Variants in PDE10A observed in about 807,000 individuals in gnomAD.
PDE10A encodes phosphodiesterase 10A.
In PDE10A, 39 loss-of-function variants were observed where a neutral mutation model predicts 97.7. The observed-to-expected ratio is 0.40, with a 90% CI of 0.31 to 0.52. The LOEUF (loss-of-function observed/expected upper bound fraction) is 0.52. PDE10A is among the 20% of genes least tolerant of loss of function. PDE10A has a pLI of 0.56. For synonymous variants in PDE10A, 371 were observed against 376.8 expected (o/e 0.98, Z 0.18); for missense variants, 731 against 1,047.8 (o/e 0.70, Z 4.17).
At chr6:165,497,378 C>A (rs1780601313) in intron 2 of PDE10A, among the ~76,000 whole-genome samples, 1 of 151,994 alleles carries the variant, frequency 6.6e-6, no homozygotes, top group Admixed American at 6.6e-5. Context: ...TGTTCTTCTC[C>A]TATAGAAAAT....
intron 2 of PDE10A, among the ~76,000 whole-genome samples, chr6:165,530,697 A>C (rs908377527): frequency 2.0e-5 from 3 of 152,306 alleles, no homozygotes; most frequent in South Asian, 4.1e-4. Context: ...AACGTAATAT[A>C]GATATAAAAA....
chr6:165,551,848 C>T (rs564652533), intron 1 of PDE10A, among the ~76,000 whole-genome samples: 2 of 152,206 alleles, frequency 1.3e-5, no homozygotes, highest in Non-Finnish European at 2.9e-5. Context: ...CAGAAGCCCC[C>T]TGGAGACCCA....
At chr6:165,619,389 A>AGTC (rs1562634641) in intron 1 of PDE10A, among the ~76,000 whole-genome samples, 2 of 3,064 alleles carry the variant, frequency 6.5e-4, no homozygotes, top group Non-Finnish European at 1.2e-3. Flanking sequence ...GTAGTCTAGT[A>AGTC]TAGTGTAGTG....
intron 1 of PDE10A, among the ~76,000 whole-genome samples, chr6:165,619,449 C>CTAGTGTAGTCTAGTGTACTG (rs1787973209): frequency 6.1e-5 from 1 of 16,398 alleles, no homozygotes. Flanking sequence ...GTAGTATAGT[C>CTAGTGTAGTCTAGTGTACTG]TAGTGTAGTG....
chr6:165,380,823 T>C (rs1352920740), intron 17 of PDE10A, among the ~76,000 whole-genome samples: 2 of 152,220 alleles, frequency 1.3e-5, no homozygotes, highest in Non-Finnish European at 2.9e-5. Context: ...GAAGGAAATA[T>C]TGATTCATGC....
chr6:165,409,567 C>T (rs374644361), intron 13 of PDE10A: 1 of 163,104 alleles, frequency 6.1e-6, no homozygotes, highest in Non-Finnish European at 1.3e-5. Flanking sequence ...AAGGTGTCTA[C>T]AGCCATACCA....
chr6:165,573,386 G>A (rs1375064935), intron 1 of PDE10A, among the ~76,000 whole-genome samples: 1 of 151,472 alleles, frequency 6.6e-6, no homozygotes, highest in Non-Finnish European at 1.5e-5. Flanking sequence ...TCATATTTCA[G>A]TATAAATGCC....
chr6:165,887,878 A>C (rs1781670853), intron 1 of PDE10A, among the ~76,000 whole-genome samples: 1 of 152,204 alleles, frequency 6.6e-6, no homozygotes, highest in Admixed American at 6.5e-5. Context: ...ACTTCTCTGA[A>C]CAATTACAAG....
intron 2 of PDE10A, among the ~76,000 whole-genome samples, chr6:165,541,020 G>C (rs1783406995): frequency 6.6e-6 from 1 of 152,118 alleles, no homozygotes; most frequent in South Asian, 2.1e-4. Flanking sequence ...GGCCTCAAGG[G>C]CCATGCTACA....
Position 165,557,599 on chromosome 6 carries a change from TAG to T in PDE10A, c.866-14033_866-14032del, listed in dbSNP as rs1459095627. On this transcript the variant is annotated intron_variant, in intron 1 of 21. Transcript: ENST00000539869. ...AAACAAATAAAAATCACAGAATATA[TAG>T]GTTTTCTACATAAATAAGCTGTCAT... is the stretch of plus-strand genomic sequence containing the variant. Among the ~76,000 whole-genome samples, 6 of 151,578 alleles carry T rather than the reference TAG, an allele frequency of 4.0e-5. No homozygotes were observed. In the East Asian group the frequency reaches 9.7e-4, roughly 25 times the overall value.
chr6:165,391,637 C>G (rs1276404836), intron 16 of PDE10A, among the ~76,000 whole-genome samples: 2 of 152,090 alleles, frequency 1.3e-5, no homozygotes, highest in African/African-American at 2.4e-5. Flanking sequence ...AATTACTGAT[C>G]AGGCTAAACT....
chr6:165,375,726 C>G (rs1371645803), intron 18 of PDE10A, among the ~76,000 whole-genome samples: 1 of 152,184 alleles, frequency 6.6e-6, no homozygotes, highest in Non-Finnish European at 1.5e-5. Context: ...TGACTCCTGT[C>G]AGGGGCTAAT....
At chr6:165,466,928 T>A (rs185597502) in intron 3 of PDE10A, among the ~76,000 whole-genome samples, 1 of 152,164 alleles carries the variant, frequency 6.6e-6, no homozygotes, top group Admixed American at 6.5e-5. Flanking sequence ...TTAGTGAAGT[T>A]GTGAACGCAA....
chr6:165,499,497 T>C (rs1285455808), intron 2 of PDE10A, among the ~76,000 whole-genome samples: 2 of 152,250 alleles, frequency 1.3e-5, no homozygotes, highest in African/African-American at 2.4e-5. Flanking sequence ...AACACCATCC[T>C]ACTTCTTCAG....
In PDE10A at chr6:165,418,756, T is replaced by C; in HGVS notation, c.1675A>G (p.Asn559Asp). Residue 559 changes from asparagine (N) to aspartate (D), a missense_variant, in exon 11 of 22, where the codon AAT becomes GAT. Transcript: ENST00000539869. This position sits in a 1 kb window ranked among gnomAD's most constrained non-coding sequence, Gnocchi z 4.8. ...TGGAAAAGCGCACAACGATCGGCAT[T>C]CACCAGGTTTTTTGCATATATCTAA... ...HIMIYAKNLV[N>D]ADRCALFQVD... 6.2e-7 allele frequency: 1 copy of C among 1,613,640 alleles called. No homozygotes were observed. The highest frequency in any genetic ancestry group is 8.5e-7 in the Non-Finnish European group (1 of 1,179,872).
intron 17 of PDE10A, among the ~76,000 whole-genome samples, chr6:165,380,254 A>G (rs2128207478): frequency 1.3e-5 from 2 of 152,332 alleles, no homozygotes; most frequent in South Asian, 4.1e-4. Context: ...ATTGGTCAAT[A>G]TAGTACTACT....
rs1048568992 is a variant in PDE10A, at chr6:165,661,634, G to C, written c.865+313C>G. The C allele has an allele frequency of 1.4e-5, 5 of 356,026 alleles. No individual in the cohort carries two copies. Among genetic ancestry groups the C allele is most frequent in the African/African-American group, 4.3e-5 (2 of 46,214 alleles). 22.1% of individuals were successfully genotyped at this position (356,026 alleles called of 1,614,324 possible). A position where few individuals can be genotyped will look rare whatever the true frequency, so the allele number is the denominator to read the frequency against. ...GCGCCGGACAAGTGTGGCCAGAAAC[G>C]GCACGAGGGGCGGAGAAGGAGGCGG... On this transcript the variant is annotated intron_variant, in intron 1 of 21. Coordinates refer to ENST00000539869, the MANE Select transcript of PDE10A (RefSeq NM_001385079.1). The surrounding 1 kb of genome is among the most constrained non-coding windows in gnomAD (Gnocchi z 4.8).
intron 1 of PDE10A, among the ~76,000 whole-genome samples, chr6:165,956,746 T>C (rs542519432): frequency 1.8e-4 from 28 of 152,362 alleles, no homozygotes; most frequent in African/African-American, 6.7e-4. Flanking sequence ...GTCTCTGACA[T>C]GTGGAGCACA....
At chr6:165,643,437 C>T (rs1251920492) in intron 1 of PDE10A, among the ~76,000 whole-genome samples, 2 of 152,134 alleles carry the variant, frequency 1.3e-5, no homozygotes, top group East Asian at 3.9e-4. Flanking sequence ...AGGAACAGAG[C>T]CTTTTCAGAT....
Sources: gnomAD v4.1 joint callset for allele counts (sites outside exome capture counted in the v4.1 genomes callset) on GRCh38, gnomAD v4.1.1 for gene constraint, Gnocchi (gnomAD v3.1) non-coding constraint, MANE v1.5 for transcripts, NCBI Gene and HGNC (gene_info 2026-07-23, HGNC 2026-07-21) for gene names.